The following ZMAT5 variants were observed in gnomAD, a reference collection of about 807,000 sequenced individuals.
The protein encoded by ZMAT5 is zinc finger matrin-type protein 5.
In ZMAT5, 23 loss-of-function variants were observed where a neutral mutation model predicts 28.0. That is an observed-to-expected ratio of 0.82 (90% CI 0.59 to 1.16). The LOEUF (loss-of-function observed/expected upper bound fraction) is 1.16. Among genes scored for constraint, ZMAT5 ranks in the 50% most tolerant of loss-of-function variants. The probability of loss-of-function intolerance (pLI) is 0.00; values close to 1 mark genes in which losing one functional copy is unlikely to be tolerated. For missense variants in ZMAT5, 173 were observed against 212.7 expected (o/e 0.81, Z 1.16); for synonymous variants, 76 against 84.1 (o/e 0.90, Z 0.52).
intron 1 of ZMAT5, among the ~76,000 whole-genome samples, chr22:29,751,286 T>C (rs2068053611): frequency 6.6e-6 from 1 of 152,140 alleles, no homozygotes; most frequent in Admixed American, 6.5e-5. Context: ...CTGTGTGACC[T>C]TGGGCAAGTC....
intron 4 of ZMAT5, among the ~76,000 whole-genome samples, chr22:29,739,090 C>T (rs113264678): frequency 0.059 from 8,970 of 151,916 alleles, 302 homozygotes; most frequent in Middle Eastern, 0.1. Context: ...TGAGGGCAGT[C>T]GAATGGGGTC....
intron 1 of ZMAT5, among the ~76,000 whole-genome samples, chr22:29,750,259 G>A (rs1361807954): frequency 6.6e-6 from 1 of 152,166 alleles, no homozygotes; most frequent in Non-Finnish European, 1.5e-5. Flanking sequence ...ATAAGCAGAA[G>A]GCAAACCCAG....
intron 5 of ZMAT5, among the ~76,000 whole-genome samples, chr22:29,734,205 C>T (rs1391563846): frequency 6.6e-6 from 1 of 152,244 alleles, no homozygotes; most frequent in East Asian, 1.9e-4. Flanking sequence ...GCCGCCGCTG[C>T]TCTTGACAGA....
chr22:29,751,792 C>G (rs111677583), intron 1 of ZMAT5, among the ~76,000 whole-genome samples: 10 of 152,230 alleles, frequency 6.6e-5, no homozygotes, highest in African/African-American at 2.2e-4. Flanking sequence ...TAGAGTGAAA[C>G]CCCATCTGTA....
At chr22:29,740,089 C>T (rs143792739) in intron 4 of ZMAT5, among the ~76,000 whole-genome samples, 2 of 152,302 alleles carry the variant, frequency 1.3e-5, no homozygotes, top group South Asian at 2.1e-4. Context: ...CAGTGAGAGG[C>T]TGTGGAAGAA....
intron 1 of ZMAT5, among the ~76,000 whole-genome samples, chr22:29,754,971 C>A (rs2068085871): frequency 1.3e-5 from 2 of 152,122 alleles, no homozygotes; most frequent in African/African-American, 2.4e-5. Flanking sequence ...CCCTCACCCT[C>A]TAAGTGAACA....
chr22:29,747,436 TC>T (rs1175525767), intron 2 of ZMAT5: 6 of 152,466 alleles, frequency 3.9e-5, no homozygotes. Flanking sequence ...GAACTCTCTC[TC>T]CACCTCTCCT....
intron 1 of ZMAT5, among the ~76,000 whole-genome samples, chr22:29,765,854 C>T (rs1442768555): frequency 6.6e-6 from 1 of 152,124 alleles, no homozygotes; most frequent in African/African-American, 2.4e-5. Context: ...GACGACAGAC[C>T]GAGACTCCAT....
chr22:29,730,984 T>C lies in ZMAT5; in HGVS notation c.*241A>G. 1 of 376,736 alleles carries C rather than the reference T, an allele frequency of 2.7e-6. No homozygotes were observed. Among genetic ancestry groups the C allele is most frequent in the Non-Finnish European group, 4.7e-6 (1 of 213,766 alleles). 23.3% of individuals were successfully genotyped at this position (376,736 alleles called of 1,614,324 possible). On this transcript the variant is annotated 3_prime_UTR_variant, in exon 6 of 6. Transcript: ENST00000344318. The stretch of plus-strand genomic sequence containing the variant: ...GGTGACAGACTTTCTTTATAAACAT[T>C]TGGAAGTTTTCTCCCCCATCTTCTT...
chr22:29,756,905 G>A (rs1261262622), intron 1 of ZMAT5, among the ~76,000 whole-genome samples: 6 of 152,110 alleles, frequency 3.9e-5, no homozygotes, highest in African/African-American at 1.4e-4. Context: ...TGGGCATGAT[G>A]GTGCATGCCT....
chr22:29,754,587 G>T (rs1383796004), intron 1 of ZMAT5, among the ~76,000 whole-genome samples: 1 of 152,248 alleles, frequency 6.6e-6, no homozygotes, highest in Admixed American at 6.5e-5. Context: ...AAGGTGCCTA[G>T]TAGCCAGCTG....
intron 4 of ZMAT5, among the ~76,000 whole-genome samples, chr22:29,739,513 C>T (rs78803467): frequency 0.015 from 2,254 of 152,284 alleles, 47 homozygotes; most frequent in African/African-American, 0.049. Flanking sequence ...ACACAGCCTC[C>T]AAGAGGTTAA....
chr22:29,741,703 G>A (rs760326931), intron 3 of ZMAT5, among the ~76,000 whole-genome samples: 10 of 152,126 alleles, frequency 6.6e-5, no homozygotes, highest in Non-Finnish European at 1.2e-4. Flanking sequence ...AGGTGGGAGT[G>A]CAGTGGTGCA....
At chr22:29,759,417 T>C (rs1468248879) in intron 1 of ZMAT5, among the ~76,000 whole-genome samples, 1 of 151,950 alleles carries the variant, frequency 6.6e-6, no homozygotes, top group Admixed American at 6.6e-5. Flanking sequence ...TCAGATCAAC[T>C]CTCCTTAAAT....
chr22:29,756,998 C>T (rs2068107694), intron 1 of ZMAT5, among the ~76,000 whole-genome samples: 1 of 151,934 alleles, frequency 6.6e-6, no homozygotes, highest in Non-Finnish European at 1.5e-5. Context: ...AAGATTGCAC[C>T]ACTACACTCC....
At chr22:29,750,968 T>C (rs1305685430) in intron 1 of ZMAT5, among the ~76,000 whole-genome samples, 1 of 152,164 alleles carries the variant, frequency 6.6e-6, no homozygotes, top group Non-Finnish European at 1.5e-5. Flanking sequence ...ACCTCTCTTC[T>C]CCCATTACTG....
At chr22:29,737,913 C>T (rs898669856) in intron 5 of ZMAT5, among the ~76,000 whole-genome samples, 1 of 152,114 alleles carries the variant, frequency 6.6e-6, no homozygotes, top group African/African-American at 2.4e-5. Flanking sequence ...CTGTGCAATC[C>T]CGGCTCTACA....
chr22:29,765,864 T>C (rs2068205298), intron 1 of ZMAT5, among the ~76,000 whole-genome samples: 1 of 152,096 alleles, frequency 6.6e-6, no homozygotes. Context: ...CGAGACTCCA[T>C]CTCAAATAAA....
chr22:29,755,441 G>A (rs1487006053), intron 1 of ZMAT5, among the ~76,000 whole-genome samples: 1 of 151,404 alleles, frequency 6.6e-6, no homozygotes, highest in African/African-American at 2.4e-5. Context: ...AGGAAACAAA[G>A]AGAAAGAAAG....
Sources: gnomAD v4.1 joint callset for allele counts (sites outside exome capture counted in the v4.1 genomes callset) on GRCh38, gnomAD v4.1.1 for gene constraint, MANE v1.5 for transcripts, NCBI Gene and HGNC (gene_info 2026-07-23, HGNC 2026-07-21) for gene names.